The following DENND4C variants were observed in gnomAD, a reference collection of about 807,000 sequenced individuals.
DENND4C encodes DENN domain containing 4C.
DENND4C carries 108 observed loss-of-function variants against 203.0 expected under a neutral mutation model. The observed-to-expected ratio is 0.53, with a 90% confidence interval of 0.46 to 0.62. The LOEUF (loss-of-function observed/expected upper bound fraction) is 0.62. Ranked by LOEUF, DENND4C falls within the 20% of genes least tolerant of loss-of-function variation. The pLI, the probability that DENND4C is intolerant of heterozygous loss-of-function variation, is 0.00. For missense variants in DENND4C, 2,481 were observed against 2,301.2 expected, an observed-to-expected ratio of 1.08 and a Z score of -1.60; for synonymous variants, 871 against 792.4, an observed-to-expected ratio of 1.10 and a Z score of -1.67.
intron 21 of DENND4C, 27 bp from the exon 22 acceptor site, chr9:19,342,606 T>G (rs1410954125): frequency 1.3e-6 from 2 of 1,570,092 alleles, no homozygotes; most frequent in East Asian, 2.3e-5. Flanking sequence ...AAAGTAGGAA[T>G]GATAACATCC....
At chr9:19,231,715 A>G (rs1398742151) in intron 1 of DENND4C, among the ~76,000 whole-genome samples, 1 of 151,960 alleles carries the variant, frequency 6.6e-6, no homozygotes, top group East Asian at 1.9e-4. Context: ...GTACTTGTGC[A>G]AATTTGAGGG....
At chr9:19,302,330 T>C (rs1214993763) in intron 9 of DENND4C, among the ~76,000 whole-genome samples, 1 of 152,226 alleles carries the variant, frequency 6.6e-6, no homozygotes. Context: ...AAGTGCTTTA[T>C]AAAAAGTGAC....
At chr9:19,249,141 C>G (rs942021803) in intron 1 of DENND4C, among the ~76,000 whole-genome samples, 21 of 151,818 alleles carry the variant, frequency 1.4e-4, no homozygotes, top group African/African-American at 5.1e-4. Context: ...ATTTTCCAAC[C>G]GTAATATAAG....
chr9:19,363,175 T>C (rs1006041236), intron 30 of DENND4C, among the ~76,000 whole-genome samples: 3 of 152,206 alleles, frequency 2.0e-5, no homozygotes, highest in Non-Finnish European at 4.4e-5. Context: ...CATGCACACA[T>C]TCCTGGTGTC....
At chr9:19,327,183 T>C (rs1011994989) in intron 15 of DENND4C, among the ~76,000 whole-genome samples, 4 of 152,172 alleles carry the variant, frequency 2.6e-5, no homozygotes, top group Admixed American at 6.5e-5. Flanking sequence ...AATCCAGATA[T>C]TGACAAACAA....
In DENND4C at chr9:19,286,756, T is replaced by G. The variant is rs1835295699; in HGVS notation, c.306-13T>G. 9 of 1,231,858 alleles carry G rather than the reference T, an allele frequency of 7.3e-6. No individual in the cohort carries two copies. The highest frequency in any genetic ancestry group is 9.1e-6 in the Non-Finnish European group (9 of 987,884). 76.3% of individuals were successfully genotyped at this position (1,231,858 alleles called of 1,614,324 possible). ...TATATCTATATCTATTTCTTCCCCTTCCTGCCATGCAGAGTTCTATATGAA... is the reference window on the plus strand; with the variant it reads ...TATATCTATATCTATTTCTTCCCCTGCCTGCCATGCAGAGTTCTATATGAA... On this transcript the variant is annotated splice_polypyrimidine_tract_variant and intron_variant, in intron 2 of 32. Transcript: ENST00000434457.
At chr9:19,256,864 A>C (rs925178583) in intron 1 of DENND4C, among the ~76,000 whole-genome samples, 6 of 151,840 alleles carry the variant, frequency 4.0e-5, no homozygotes, top group African/African-American at 1.5e-4. Context: ...AGGTCTGGAG[A>C]TCGAGACCAT....
intron 20 of DENND4C, 69 bp from the exon 21 acceptor site, chr9:19,340,923 T>C: frequency 5.1e-6 from 7 of 1,372,568 alleles, no homozygotes; most frequent in South Asian, 3.4e-5. Context: ...GGAATTTTCT[T>C]GTGATTTTTA....
chr9:19,313,380 C>G (rs1419730247), intron 10 of DENND4C, among the ~76,000 whole-genome samples: 1 of 152,132 alleles, frequency 6.6e-6, no homozygotes, highest in African/African-American at 2.4e-5. Context: ...CATTATCAGT[C>G]CTCATTTTGC....
At chr9:19,343,242 A>G (rs1822063205) in intron 22 of DENND4C, among the ~76,000 whole-genome samples, 1 of 152,212 alleles carries the variant, frequency 6.6e-6, no homozygotes, top group Admixed American at 6.5e-5. Flanking sequence ...CCATTGTTAT[A>G]GGTACCCCAA....
intron 17 of DENND4C, 51 bp downstream of exon 17, chr9:19,332,235 T>G (rs937410054): frequency 3.2e-6 from 5 of 1,556,918 alleles, no homozygotes; most frequent in African/African-American, 1.4e-5. Context: ...ATTTTTGTAC[T>G]TCTAATAAAA....
intron 23 of DENND4C, among the ~76,000 whole-genome samples, chr9:19,349,370 T>C (rs1398945418): frequency 6.6e-6 from 1 of 152,194 alleles, no homozygotes; most frequent in Non-Finnish European, 1.5e-5. Flanking sequence ...ATCACACCAC[T>C]GCACTCCAGC....
At chr9:19,283,299 A>G (rs1168765175) in intron 2 of DENND4C, among the ~76,000 whole-genome samples, 1 of 152,112 alleles carries the variant, frequency 6.6e-6, no homozygotes, top group African/African-American at 2.4e-5. Flanking sequence ...GAAGGTCTTC[A>G]GGGCAGTAAC....
Position 19,352,201 on chromosome 9 carries a change from G to T in DENND4C, c.4605+19G>T, listed in dbSNP as rs1315151956. 6.3e-7 allele frequency: 1 copy of T among 1,594,464 alleles called. No homozygotes were observed. Among genetic ancestry groups the T allele is most frequent in the Middle Eastern group, 1.7e-4 (1 of 6,028 alleles). ...AATGGAGGTAAAAGTTCTATATTCA[G>T]TTCATGATAAAGTAGCTGTAAGCAT... On this transcript the variant is annotated intron_variant, in intron 25 of 32. Coordinates refer to ENST00000434457, the MANE Select transcript of DENND4C (RefSeq NM_001330640.2).
Position 19,275,256 on chromosome 9 carries a change from G to A in DENND4C, c.-17-902G>A, listed in dbSNP as rs548513501. Among the ~76,000 whole-genome samples the A allele has an allele frequency of 1.3e-3, 195 of 149,178 alleles. 4 individuals carry two copies. Among genetic ancestry groups the A allele is most frequent in the Admixed American group, 0.012 (183 of 14,912 alleles). Reference sequence around the variant, plus strand: ...GCCTCCCAAAGTGCAGGGATTACAGGTGTGAGCCACCAGGCCCGGCCTTTT... The same window carrying A: ...GCCTCCCAAAGTGCAGGGATTACAGATGTGAGCCACCAGGCCCGGCCTTTT... On this transcript the variant is annotated intron_variant, in intron 1 of 32. Transcript: ENST00000434457.
chr9:19,325,426 A>T (rs1225381859), intron 13 of DENND4C, among the ~76,000 whole-genome samples: 1 of 152,136 alleles, frequency 6.6e-6, no homozygotes, highest in Admixed American at 6.5e-5. Flanking sequence ...AACATTTGAG[A>T]TTGTATCCAA....
chr9:19,277,105 T>C (rs779377807), intron 2 of DENND4C, among the ~76,000 whole-genome samples: 41 of 152,138 alleles, frequency 2.7e-4, no homozygotes, highest in Non-Finnish European at 3.4e-4. Flanking sequence ...CCTATAACAC[T>C]TTACCATATA....
Position 19,273,747 on chromosome 9 carries a change from T to G in DENND4C, c.-17-2411T>G, listed in dbSNP as rs560648600. 4.7e-4 allele frequency among the ~76,000 whole-genome samples: 71 copies of G among 151,064 alleles called. 3 individuals carry two copies. Among genetic ancestry groups the G allele is most frequent in the African/African-American group, 1.7e-3 (69 of 40,464 alleles). On this transcript the variant is annotated intron_variant, in intron 1 of 32. Transcript: ENST00000434457. ...ATCAGTACATACTGATTAGAATGTCTAAATTAAAAAGACTGATCTTACAAC... is the reference window on the plus strand; with the variant it reads ...ATCAGTACATACTGATTAGAATGTCGAAATTAAAAAGACTGATCTTACAAC...
At chr9:19,352,699 T>C (rs754553164) in intron 26 of DENND4C, 34 bp downstream of exon 26, 19 of 1,486,332 alleles carry the variant, frequency 1.3e-5, no homozygotes, top group Non-Finnish European at 1.7e-5. Flanking sequence ...AAGAAGTAAG[T>C]ACCCTCAAAA....
Sources: allele counts gnomAD v4.1 joint callset (sites outside exome capture counted in the v4.1 genomes callset), GRCh38; gene constraint gnomAD v4.1.1; transcripts MANE v1.5; gene names NCBI Gene and HGNC (gene_info 2026-07-23, HGNC 2026-07-21).